ZFAT: variants seen among roughly 807,000 people sequenced by gnomAD.
The protein encoded by ZFAT is zinc finger protein ZFAT.
Under a neutral mutation model 117.7 loss-of-function variants are expected in ZFAT, and 64 were observed. The ratio of observed to expected loss-of-function variants is 0.54; its 90% CI spans 0.44 to 0.67. ZFAT has a LOEUF of 0.67. ZFAT is among the 30% of genes least tolerant of loss of function. The pLI is 0.00. For missense variants in ZFAT, 1,433 were observed against 1,584.5 expected, an observed-to-expected ratio of 0.90 and a Z score of 1.62; for synonymous variants, 679 against 615.0, an observed-to-expected ratio of 1.10 and a Z score of -1.54.
intron 15 of ZFAT, among the ~76,000 whole-genome samples, chr8:134,497,304 G>A (rs917545938): frequency 6.6e-6 from 1 of 152,258 alleles, no homozygotes; most frequent in Non-Finnish European, 1.5e-5. Context: ...TCTCAGAGCA[G>A]CAGGATGGAA....
intron 1 of ZFAT, among the ~76,000 whole-genome samples, chr8:134,672,605 G>C (rs1013783639): frequency 6.6e-6 from 1 of 151,928 alleles, no homozygotes; most frequent in Non-Finnish European, 1.5e-5. Context: ...TCAAATCTCT[G>C]AAAACTAAAG....
At chr8:134,733,781 T>C in the ZFAT span, among the ~76,000 whole-genome samples, 1 of 152,244 alleles carries the variant, frequency 6.6e-6, no homozygotes, top group Non-Finnish European at 1.5e-5. Flanking sequence ...TGTCCTGACA[T>C]GACTTGATGG....
At chr8:134,588,186 A>C in intron 9 of ZFAT, 60 bp downstream of exon 9, 1 of 1,498,978 alleles carries the variant, frequency 6.7e-7, no homozygotes, top group Non-Finnish European at 8.9e-7. Flanking sequence ...TGTACTCCCA[A>C]AATGAAGGAT....
At chr8:134,812,523 G>A in the ZFAT span, among the ~76,000 whole-genome samples, 1,046 of 152,272 alleles carry the variant, frequency 6.9e-3, 5 homozygotes, top group Middle Eastern at 0.014. Context: ...TTGAGTCCAG[G>A]AGTTCGAGAC....
chr8:134,826,804 C>T, the ZFAT span, among the ~76,000 whole-genome samples: 1 of 152,200 alleles, frequency 6.6e-6, no homozygotes, highest in Non-Finnish European at 1.5e-5. Flanking sequence ...GATTAAACTA[C>T]ATTTGGCAAC....
At chr8:134,637,762 AG>A (rs1387674025) in intron 2 of ZFAT, 50 bp from the exon 3 acceptor site, 1 of 1,585,568 alleles carries the variant, frequency 6.3e-7, no homozygotes, top group East Asian at 2.3e-5. Context: ...ACGGCAGTGC[AG>A]GGTTCACAAT....
At chr8:134,554,332 T>C (rs116926500) in intron 11 of ZFAT, among the ~76,000 whole-genome samples, 5,112 of 152,280 alleles carry the variant, frequency 0.034, 122 homozygotes, top group Middle Eastern at 0.099. Flanking sequence ...CACTAACAAC[T>C]TGACGGATCT....
chr8:134,663,836 A>G (rs1832063512), intron 1 of ZFAT, among the ~76,000 whole-genome samples: 1 of 152,230 alleles, frequency 6.6e-6, no homozygotes, highest in Non-Finnish European at 1.5e-5. Context: ...AGGATAACAC[A>G]GCAGACCCAA....
rs565480425 is a variant in ZFAT at position 134,692,816 on chromosome 8, A to G, written c.19+20029T>C. On this transcript the variant is annotated intron_variant, in intron 1 of 15. Transcript: ENST00000377838. ...ACTCTAGGTAGCAGGCTTCTTTTTC[A>G]CAAAGACATGGTTTCCTGATTCTGA... Among the ~76,000 whole-genome samples the G allele has an allele frequency of 3.1e-4, 47 of 152,324 alleles. 1 individual carries two copies. In the South Asian group the frequency reaches 7.2e-3, roughly 23 times the overall value.
the ZFAT span, among the ~76,000 whole-genome samples, chr8:134,731,058 G>A: frequency 6.6e-6 from 1 of 152,116 alleles, no homozygotes; most frequent in East Asian, 1.9e-4. Flanking sequence ...TCAAAGTCGG[G>A]GGCAGAAAAA....
chr8:134,753,485 CT>C, the ZFAT span, among the ~76,000 whole-genome samples: 2 of 152,168 alleles, frequency 1.3e-5, no homozygotes, highest in South Asian at 2.1e-4. Flanking sequence ...AATTCTCCCC[CT>C]AATGATCTTA....
Position 134,637,470 on chromosome 8 carries a change from C to T in ZFAT, c.439G>A (p.Gly147Arg). The T allele has an allele frequency of 6.2e-7, 1 of 1,607,288 alleles. No individual in the cohort carries two copies. Reference sequence around the variant, plus strand: ...CTTTGGCAGCATTTACCTGCTTCTCCTTCCTCCTCACCCAAATTCAGCACG... The same window carrying T: ...CTTTGGCAGCATTTACCTGCTTCTCTTTCCTCCTCACCCAAATTCAGCACG... The part of the protein sequence containing the change: ...IIVLNLGEEE[G>R]EAGNESDLEL... The change falls in exon 3 of 16, where the codon GGA becomes AGA. Residue 147 changes from glycine (G) to arginine (R), a missense_variant. By Grantham distance (125) the Gly-to-Arg change is moderately radical. Around this residue, in one of 5 missense-constraint regions of ZFAT, gnomAD observed 436 missense variants for 482.0 expected, o/e 0.90. Transcript: ENST00000377838.
intron 2 of ZFAT, 41 bp from the exon 3 acceptor site, chr8:134,637,753 C>T (rs371271911): frequency 2.0e-4 from 324 of 1,595,918 alleles, no homozygotes; most frequent in Non-Finnish European, 2.6e-4. Context: ...TCACGTGAGA[C>T]GGCAGTGCAG....
At chr8:134,583,633 T>C (rs188461853) in intron 10 of ZFAT, among the ~76,000 whole-genome samples, 199 bp downstream of exon 10, 155 of 152,308 alleles carry the variant, frequency 1.0e-3, no homozygotes, top group Non-Finnish European at 1.6e-3. Flanking sequence ...TAAGTGTTTA[T>C]CCTGCACCTG....
intron 11 of ZFAT, among the ~76,000 whole-genome samples, chr8:134,547,071 G>A (rs1417429779): frequency 1.3e-5 from 2 of 152,136 alleles, no homozygotes; most frequent in Admixed American, 6.5e-5. Flanking sequence ...AGTCACCCAG[G>A]GTAAAGATGG....
the ZFAT span, among the ~76,000 whole-genome samples, chr8:134,799,964 A>G: frequency 6.6e-6 from 1 of 152,188 alleles, no homozygotes; most frequent in Non-Finnish European, 1.5e-5. Flanking sequence ...CAATCCATGC[A>G]ATCACATACT....
chr8:134,644,736 C>T (rs1197373271), intron 2 of ZFAT, among the ~76,000 whole-genome samples: 1 of 151,818 alleles, frequency 6.6e-6, no homozygotes, highest in Admixed American at 6.6e-5. Context: ...ACAAACGTGC[C>T]CATATTCACA....
chr8:134,610,421 C>A, intron 4 of ZFAT, 49 bp downstream of exon 4: 1 of 1,562,008 alleles, frequency 6.4e-7, no homozygotes, highest in Non-Finnish European at 8.7e-7. Context: ...GCCCTTGGCA[C>A]AGACTTGCCA....
intron 11 of ZFAT, among the ~76,000 whole-genome samples, chr8:134,543,021 C>A (rs1458010991): frequency 1.4e-5 from 2 of 147,700 alleles, no homozygotes; most frequent in African/African-American, 2.5e-5. Context: ...GAGTCAGGCA[C>A]ATGCAGTTAC....
Sources: gnomAD v4.1 joint callset for allele counts (sites outside exome capture counted in the v4.1 genomes callset) on GRCh38, gnomAD v4.1.1 for gene constraint, gnomAD v4.1.1 regional missense constraint, MANE v1.5 for transcripts, NCBI Gene and HGNC (gene_info 2026-07-23, HGNC 2026-07-21) for gene names.